IFIH1: variants seen among roughly 807,000 people sequenced by gnomAD.
IFIH1 encodes the protein interferon induced with helicase C domain 1.
In IFIH1, 125 loss-of-function variants were observed where a neutral mutation model predicts 107.4. The ratio of observed to expected loss-of-function variants is 1.16; its 90% CI spans 1.01 to 1.35. The LOEUF (loss-of-function observed/expected upper bound fraction) is 1.35, where lower values mean the gene tolerates loss of function less well. IFIH1 is among the 40% of genes most tolerant of loss of function. IFIH1 has a pLI of 0.00. For synonymous variants in IFIH1, 458 were observed against 413.2 expected (o/e 1.11, Z -1.31); for missense variants, 1,333 against 1,213.7 (o/e 1.10, Z -1.46).
chr2:162,304,723 T>G (rs1683250822), intron 3 of IFIH1, among the ~76,000 whole-genome samples: 1 of 152,170 alleles, frequency 6.6e-6, no homozygotes, highest in Non-Finnish European at 1.5e-5. Flanking sequence ...TATGAAAATG[T>G]AAATTCAAAT....
chr2:162,303,818 T>C (rs147105268), intron 3 of IFIH1, among the ~76,000 whole-genome samples: 30 of 152,332 alleles, frequency 2.0e-4, no homozygotes, highest in Non-Finnish European at 4.0e-4. Flanking sequence ...GCAGATTAAC[T>C]ACAAGCTAAT....
chr2:162,281,272 T>A, intron 7 of IFIH1, 56 bp downstream of exon 7: 1 of 1,346,864 alleles, frequency 7.4e-7, no homozygotes, highest in Non-Finnish European at 1.1e-6. Flanking sequence ...GACCAAGAAG[T>A]CCTGGCATTT....
chr2:162,314,398 C>CTTTCTTTCTTT lies in IFIH1; in HGVS notation c.453+3456_453+3457insAAAGAAAGAAA, dbSNP rs1553461355. ...TCCCTCCCTCCCTCCCTCCCTCCCT[C>CTTTCTTTCTTT]CTTTCTTTCTTTCTTTCTTTTCTTT... On this transcript the variant is annotated intron_variant, in intron 1 of 15. Coordinates refer to ENST00000649979, the MANE Select transcript of IFIH1 (RefSeq NM_022168.4). Among the ~76,000 whole-genome samples the CTTTCTTTCTTT allele has an allele frequency of 2.6e-3, 176 of 67,006 alleles. 26 individuals carry two copies. Among genetic ancestry groups the CTTTCTTTCTTT allele is most frequent in the African/African-American group, 0.013 (154 of 12,104 alleles). 44.0% of individuals were successfully genotyped at this position (67,006 alleles called of 152,430 possible). A position where few individuals can be genotyped will look rare whatever the true frequency, so the allele number is the denominator to read the frequency against.
chr2:162,268,852 GTGCTGGGAT>G (rs1690978366), intron 13 of IFIH1, among the ~76,000 whole-genome samples: 1 of 151,962 alleles, frequency 6.6e-6, no homozygotes, highest in Non-Finnish European at 1.5e-5. Flanking sequence ...GCCTCTCAAA[GTGCTGGGAT>G]TGCAGGTGTG....
intron 3 of IFIH1, among the ~76,000 whole-genome samples, chr2:162,300,989 A>C (rs930571649): frequency 6.6e-6 from 1 of 152,192 alleles, no homozygotes; most frequent in East Asian, 1.9e-4. Flanking sequence ...ACAACAACAA[A>C]AAAAGTGCTA....
At position 162,317,502 on chromosome 2, in the gene IFIH1, A is replaced by C. The variant is rs1380615070; in HGVS notation, c.453+353T>G. On this transcript the variant is annotated intron_variant, in intron 1 of 15. Transcript: ENST00000649979. ...CTGCCTCAGGTTTCTCATCTGTAAA[A>C]TGGAGTTAATAACATTAGGAGCCTC... Among the ~76,000 whole-genome samples the C allele has an allele frequency of 8.5e-5, 13 of 152,306 alleles. No homozygotes were observed. In the East Asian group the frequency reaches 2.5e-3, roughly 29 times the overall value.
chr2:162,300,745 G>A (rs1333683021), intron 3 of IFIH1, among the ~76,000 whole-genome samples: 1 of 152,186 alleles, frequency 6.6e-6, no homozygotes, highest in Non-Finnish European at 1.5e-5. Flanking sequence ...TAGCATGAAT[G>A]ATTCTGAAAC....
Position 162,306,729 on chromosome 2 carries a change from G to T in IFIH1, c.749C>A (p.Ala250Glu). ...MENNSSESSF[A>E]DSSVVSESDT... is the part of the protein sequence containing the mutation. ...AGTACCTGAAACTACAGAAGAATCT[G>T]CAAAAGATGATTCTGATGAGTTATT... Residue 250 changes from alanine (A) to glutamate (E), a missense_variant, in exon 3 of 16, where the codon GCA (alanine) becomes GAA (glutamate). Transcript: ENST00000649979. The T allele has an allele frequency of 6.2e-7, 1 of 1,613,728 alleles. No homozygotes were observed. Among genetic ancestry groups the T allele is most frequent in the Non-Finnish European group, 8.5e-7 (1 of 1,179,722 alleles).
intron 2 of IFIH1, among the ~76,000 whole-genome samples, chr2:162,309,589 T>G (rs1217824019): frequency 6.6e-6 from 1 of 152,224 alleles, no homozygotes; most frequent in Admixed American, 6.5e-5. Context: ...TATTTGCTGG[T>G]ATAATATATC....
intron 4 of IFIH1, among the ~76,000 whole-genome samples, chr2:162,291,165 T>C (rs562471552): frequency 1.3e-5 from 2 of 151,892 alleles, no homozygotes; most frequent in South Asian, 4.1e-4. Context: ...TTCTACCATA[T>C]AAATGGTCAA....
chr2:162,310,785 T>G lies in IFIH1; in HGVS notation c.602A>C (p.Asp201Ala), dbSNP rs1395607729. 2 of 1,613,712 alleles carry G rather than the reference T, an allele frequency of 1.2e-6. No homozygotes were observed. Among genetic ancestry groups the G allele is most frequent in the Non-Finnish European group, 1.7e-6 (2 of 1,179,844 alleles). The change falls in exon 2 of 16, where the codon GAT becomes GCT. Residue 201 changes from aspartate (D) to alanine (A), a missense_variant. Coordinates refer to ENST00000649979, the MANE Select transcript of IFIH1 (RefSeq NM_022168.4). ...AATACCTGCATTGCTTTCTGAGCAA[T>G]CAGAGCCTGTTAACTCTTGGACAAG... ...NELVQELTGS[D>A]CSESNAEIEN...
chr2:162,276,600 G>T (rs770228217), intron 11 of IFIH1, 87 bp downstream of exon 11: 4 of 1,435,346 alleles, frequency 2.8e-6, no homozygotes, highest in Admixed American at 2.2e-5. Context: ...GCGAGGCCTC[G>T]TCTGAAAGAA....
intron 4 of IFIH1, among the ~76,000 whole-genome samples, chr2:162,290,149 A>T (rs767764390): frequency 1.3e-5 from 2 of 151,888 alleles, no homozygotes; most frequent in Non-Finnish European, 2.9e-5. Context: ...AAAATATAGG[A>T]ATAAATCCTC....
chr2:162,282,649 G>T (rs900459001), intron 5 of IFIH1, 73 bp from the exon 6 acceptor site: 54 of 910,074 alleles, frequency 5.9e-5, no homozygotes, highest in Non-Finnish European at 8.7e-5. Flanking sequence ...TCAAAGGCCT[G>T]TTTGGCATCC....
At chr2:162,312,633 C>T (rs575859281) in intron 1 of IFIH1, among the ~76,000 whole-genome samples, 6 of 152,292 alleles carry the variant, frequency 3.9e-5, no homozygotes, top group Admixed American at 2.6e-4. Flanking sequence ...CAGTCCATGT[C>T]ACCCACAACA....
At position 162,306,697 on chromosome 2, in the gene IFIH1, T is replaced by A. The variant is rs544226741; in HGVS notation, c.769+12A>T. 14 of 1,611,286 alleles carry A rather than the reference T, an allele frequency of 8.7e-6. No individual in the cohort carries two copies. In the South Asian group the frequency reaches 1.4e-4, roughly 16 times the overall value. ...TAATTACTGTATTAAAGTACGTATG[T>A]GTTTCAAGTACCTGAAACTACAGAA... On this transcript the variant is annotated intron_variant, in intron 3 of 15. Transcript: ENST00000649979.
At chr2:162,310,310 T>C (rs1280749112) in intron 2 of IFIH1, 1 of 172,736 alleles carries the variant, frequency 5.8e-6, no homozygotes, top group Admixed American at 6.3e-5. Context: ...TATTATTGAA[T>C]GCTGTTTAAA....
intron 5 of IFIH1, among the ~76,000 whole-genome samples, chr2:162,286,791 A>T (rs1400040842): frequency 6.6e-6 from 1 of 151,964 alleles, no homozygotes; most frequent in Non-Finnish European, 1.5e-5. Flanking sequence ...TTCATGAGTT[A>T]TGAAGGTGAA....
chr2:162,278,851 G>T (rs1317427748), intron 8 of IFIH1, among the ~76,000 whole-genome samples: 6 of 152,074 alleles, frequency 3.9e-5, no homozygotes, highest in Non-Finnish European at 8.8e-5. Flanking sequence ...AGTCAAGATA[G>T]TAGTGATTCC....
Sources: gnomAD v4.1 joint callset for allele counts (sites outside exome capture counted in the v4.1 genomes callset) on GRCh38, gnomAD v4.1.1 for gene constraint, MANE v1.5 for transcripts, NCBI Gene and HGNC (gene_info 2026-07-23, HGNC 2026-07-21) for gene names.